METTL21A: variants seen among roughly 807,000 people sequenced by gnomAD.
METTL21A encodes protein N-lysine methyltransferase METTL21A.
METTL21A carries 22 observed loss-of-function variants against 20.9 expected under a neutral mutation model. The observed-to-expected ratio is 1.05, with a 90% CI of 0.75 to 1.50. METTL21A has a LOEUF of 1.50. METTL21A is among the 40% of genes most tolerant of loss of function. The pLI, the probability that METTL21A is intolerant of heterozygous loss-of-function variation, is 0.00. For synonymous variants in METTL21A, 93 were observed against 102.0 expected, an observed-to-expected ratio of 0.91 and a Z score of 0.53; for missense variants, 271 against 266.8, an observed-to-expected ratio of 1.02 and a Z score of -0.11.
intron 3 of METTL21A, chr2:207,598,237 A>G (rs1304305942): frequency 1.1e-5 from 2 of 183,612 alleles, no homozygotes; most frequent in African/African-American, 4.7e-5. Flanking sequence ...TTTCAGACAT[A>G]TTTGAATGAC....
downstream of METTL21A, among the ~76,000 whole-genome samples, chr2:207,606,386 G>A (rs2088107152): frequency 6.6e-6 from 1 of 152,156 alleles, no homozygotes; most frequent in Non-Finnish European, 1.5e-5. Context: ...GGAGGCTGAG[G>A]CAGGAGAATC....
intron 3 of METTL21A, chr2:207,600,298 TAAGTC>T (rs1016969162): frequency 5.7e-6 from 1 of 175,176 alleles, no homozygotes; most frequent in Non-Finnish European, 1.2e-5. Flanking sequence ...TGAGAGCTCT[TAAGTC>T]AGGAATGCTG....
At chr2:207,591,364 G>T (rs760783818) in intron 3 of METTL21A, among the ~76,000 whole-genome samples, 2 of 152,066 alleles carry the variant, frequency 1.3e-5, no homozygotes, top group African/African-American at 4.8e-5. Context: ...CTTTATCCCT[G>T]ACAATATTCC....
At chr2:207,605,571 G>A (rs1398288471), downstream of METTL21A, among the ~76,000 whole-genome samples, 2 of 151,980 alleles carry the variant, frequency 1.3e-5, no homozygotes, top group Non-Finnish European at 2.9e-5. Flanking sequence ...GAAGTTTTTT[G>A]TGTTATGTTT....
At chr2:207,613,250 T>A in exon 4 of METTL21A, 1 of 1,613,084 alleles carries the variant, frequency 6.2e-7, no homozygotes, top group Non-Finnish European at 8.5e-7. Flanking sequence ...GATCTGTGAA[T>A]GTTTCTTCTA....
chr2:207,617,735 C>A (rs1435065458), intron 3 of METTL21A, among the ~76,000 whole-genome samples: 1 of 152,062 alleles, frequency 6.6e-6, no homozygotes, highest in Non-Finnish European at 1.5e-5. Flanking sequence ...CAGAGGCAGA[C>A]AGGCCAGGTG....
rs1432160490 is a variant in METTL21A, at chr2:207,624,395, CTGCTCAGACCTGCCG to C, written c.-29-6_-21del. Reference sequence around the variant, plus strand: ...GGCCATTCCGCCTGCACCCCGCCCTCTGCTCAGACCTGCCGTGCAAAAGAATCCTGGGTGACGCTC... The same window carrying C: ...GGCCATTCCGCCTGCACCCCGCCCTCTGCAAAAGAATCCTGGGTGACGCTC... On this transcript the variant is annotated splice_acceptor_variant and splice_polypyrimidine_tract_variant and 5_prime_UTR_variant and intron_variant, in exon 2 of 4. Transcript: ENST00000406927. LOFTEE classifies it low-confidence loss of function (5UTR_SPLICE). 6.2e-7 allele frequency: 1 copy of C among 1,606,850 alleles called. No individual in the cohort carries two copies. Among genetic ancestry groups the C allele is most frequent in the Non-Finnish European group, 8.5e-7 (1 of 1,177,626 alleles).
At chr2:207,622,987 A>G (rs1399838899) in intron 2 of METTL21A, among the ~76,000 whole-genome samples, 1 of 151,556 alleles carries the variant, frequency 6.6e-6, no homozygotes, top group South Asian at 2.1e-4. Context: ...AGCTCCCTGC[A>G]ACCTCTGCCT....
chr2:207,613,121 T>C, exon 4 of METTL21A: 3 of 1,611,938 alleles, frequency 1.9e-6, no homozygotes, highest in Non-Finnish European at 2.5e-6. Flanking sequence ...AGTGAACCTT[T>C]CTCACAGTAA....
intron 3 of METTL21A, chr2:207,602,072 G>C (rs1343401168): frequency 1.5e-5 from 3 of 205,380 alleles, no homozygotes; most frequent in Non-Finnish European, 3.0e-5. Context: ...AGTTCCATCT[G>C]TCTCATCTGC....
At position 207,588,364 on chromosome 2, in the gene METTL21A, T is replaced by G. The variant is rs984978095; in HGVS notation, c.260-6204A>C. Among the ~76,000 whole-genome samples, 3 of 152,332 alleles carry G rather than the reference T, an allele frequency of 2.0e-5. 1 individual carries two copies. In the South Asian group the frequency reaches 6.2e-4, roughly 32 times the overall value. On this transcript the variant is annotated intron_variant, in intron 3 of 3. Coordinates refer to the METTL21A transcript ENST00000425132. Reference sequence around the variant, plus strand: ...TTAATTGACCATATTTGTGTGAGTCTGTTTCTTGGATATCTTTCCATTGAT... The same window carrying G: ...TTAATTGACCATATTTGTGTGAGTCGGTTTCTTGGATATCTTTCCATTGAT...
intron 3 of METTL21A, 71 bp downstream of exon 3, chr2:207,621,735 T>C (rs2090499532): frequency 7.4e-7 from 1 of 1,345,338 alleles, no homozygotes; most frequent in Admixed American, 1.7e-5. Flanking sequence ...CGAAGGGTTT[T>C]GCGCTAAGAA....
intron 3 of METTL21A, among the ~76,000 whole-genome samples, chr2:207,590,082 AGT>A (rs1491258704): frequency 1.0e-5 from 1 of 95,562 alleles, no homozygotes; most frequent in African/African-American, 4.5e-5. Flanking sequence ...TATTTTGAGA[AGT>A]TTTTTTTTTT....
downstream of METTL21A, chr2:207,609,860 C>T (rs1277903200): frequency 1.3e-3 from 13 of 9,648 alleles, 4 homozygotes; most frequent in African/African-American, 7.4e-3. Context: ...CAAGGCTGGA[C>T]GGTACTGCTG....
intron 3 of METTL21A, among the ~76,000 whole-genome samples, chr2:207,596,483 G>A (rs1044993701): frequency 2.0e-4 from 30 of 152,188 alleles, no homozygotes; most frequent in Non-Finnish European, 4.1e-4. Flanking sequence ...ACTCAGGCTG[G>A]AGTGCAGTGG....
chr2:207,589,309 T>C (rs924650263), intron 3 of METTL21A, among the ~76,000 whole-genome samples: 5 of 152,218 alleles, frequency 3.3e-5, no homozygotes, highest in African/African-American at 9.6e-5. Context: ...TTTTGCCTCA[T>C]GGCCCCCTTT....
chr2:207,607,693 T>TTTTTTTTTTTTTTTTTTTTTTTTTTTGAG (rs1277584868), downstream of METTL21A, among the ~76,000 whole-genome samples: 3 of 143,248 alleles, frequency 2.1e-5, no homozygotes, highest in African/African-American at 7.9e-5. Flanking sequence ...ACATACATTT[T>TTTTTTTTTTTTTTTTTTTTTTTTTTTGAG]AACATAGCAT....
chr2:207,612,420 A>G (rs2089087427), downstream of METTL21A: 1 of 150,180 alleles, frequency 6.7e-6, no homozygotes, highest in Non-Finnish European at 1.5e-5. Context: ...TGCTTTTAAA[A>G]AGTAACTGAA....
At chr2:207,582,834 A>G in intron 3 of METTL21A, 1 of 333,104 alleles carries the variant, frequency 3.0e-6, no homozygotes, top group Non-Finnish European at 6.0e-6. Flanking sequence ...TGGAAGTTGC[A>G]GTGAGCTGAG....
Sources: gnomAD v4.1 joint callset for allele counts (sites outside exome capture counted in the v4.1 genomes callset) on GRCh38, gnomAD v4.1.1 for gene constraint, MANE v1.5 for transcripts, NCBI Gene and HGNC (gene_info 2026-07-23, HGNC 2026-07-21) for gene names.